NECAB1: variants seen among roughly 807,000 people sequenced by gnomAD.
NECAB1 encodes the protein N-terminal EF-hand calcium binding protein 1.
In NECAB1, 29 loss-of-function variants were observed where a neutral mutation model predicts 57.5. That is an observed-to-expected ratio of 0.50 (90% CI 0.38 to 0.69). The LOEUF (loss-of-function observed/expected upper bound fraction) is 0.69, where lower values mean the gene tolerates loss of function less well. Among genes scored for constraint, NECAB1 ranks in the 30% least tolerant of loss-of-function variants. The pLI is 0.00. For synonymous variants in NECAB1, 142 were observed against 147.7 expected (o/e 0.96, Z 0.28); for missense variants, 372 against 413.8 (o/e 0.90, Z 0.88).
intron 1 of NECAB1, among the ~76,000 whole-genome samples, chr8:90,794,579 A>C (rs2130636644): frequency 6.6e-6 from 1 of 152,342 alleles, no homozygotes; most frequent in East Asian, 1.9e-4. Context: ...ATACATGACC[A>C]GCTGGTTGGA....
intron 5 of NECAB1, among the ~76,000 whole-genome samples, chr8:90,904,604 A>G (rs921869556): frequency 4.6e-5 from 7 of 152,026 alleles, no homozygotes; most frequent in African/African-American, 1.7e-4. Flanking sequence ...GAAAATAGAA[A>G]AGAAGTTAAG....
intron 2 of NECAB1, among the ~76,000 whole-genome samples, chr8:90,814,685 G>A (rs1462450781): frequency 6.6e-6 from 1 of 151,874 alleles, no homozygotes; most frequent in East Asian, 1.9e-4. Flanking sequence ...GTGTTCCTTT[G>A]ACATACCCTC....
At chr8:90,856,498 CA>C (rs1812796944) in intron 3 of NECAB1, among the ~76,000 whole-genome samples, 2 of 151,942 alleles carry the variant, frequency 1.3e-5, no homozygotes, top group African/African-American at 2.4e-5. Context: ...CTTCTTTAAA[CA>C]ATAACAAAAA....
intron 5 of NECAB1, among the ~76,000 whole-genome samples, chr8:90,902,428 C>T (rs778847911): frequency 5.3e-5 from 8 of 152,150 alleles, no homozygotes; most frequent in South Asian, 2.1e-4. Context: ...AAAAAACAAA[C>T]GAACAAACAA....
In NECAB1 at chr8:90,955,503, G is replaced by C; in HGVS notation, c.1047G>C (p.Leu349=). 6.4e-7 allele frequency: 1 copy of C among 1,555,244 alleles called. No individual in the cohort carries two copies. Among genetic ancestry groups the C allele is most frequent in the South Asian group, 1.2e-5 (1 of 83,622 alleles). Residue 349 remains leucine (L), a synonymous_variant, in exon 13 of 13, where the codon CTG becomes CTC. Coordinates refer to ENST00000417640, the MANE Select transcript of NECAB1 (RefSeq NM_022351.5). ...TMLVPASWWI[L]NN ...TCTTTTCAGCTTCGTGGTGGATCCT[G>C]AACAACTAGATGTTCCTAGACATTT... is the stretch of plus-strand genomic sequence containing the variant.
chr8:90,940,060 GC>G (rs2130235012), intron 9 of NECAB1: 1 of 152,308 alleles, frequency 6.6e-6, no homozygotes, highest in African/African-American at 2.4e-5. Flanking sequence ...TCCATGAGAA[GC>G]CCACAGGCGG....
At chr8:90,819,601 AT>A (rs1345953086) in intron 2 of NECAB1, among the ~76,000 whole-genome samples, 1 of 151,902 alleles carries the variant, frequency 6.6e-6, no homozygotes, top group Non-Finnish European at 1.5e-5. Context: ...TTCAGCTGTC[AT>A]TCACCAATAT....
chr8:90,897,177 C>T (rs1344702126), intron 5 of NECAB1, among the ~76,000 whole-genome samples: 1 of 152,174 alleles, frequency 6.6e-6, no homozygotes, highest in Non-Finnish European at 1.5e-5. Flanking sequence ...CTCTTCGGTT[C>T]CCACAATCCT....
chr8:90,852,426 A>C (rs1812701388), intron 3 of NECAB1, among the ~76,000 whole-genome samples: 2 of 152,320 alleles, frequency 1.3e-5, no homozygotes, highest in South Asian at 4.1e-4. Flanking sequence ...TACCAGTGAT[A>C]GGGACAGGAG....
chr8:90,940,811 T>A lies in NECAB1; in HGVS notation c.773T>A (p.Met258Lys), dbSNP rs1200720251. The A allele has an allele frequency of 6.4e-7, 1 of 1,562,754 alleles. No individual in the cohort carries two copies. Among genetic ancestry groups the A allele is most frequent in the Non-Finnish European group, 8.7e-7 (1 of 1,153,108 alleles). Residue 258 changes from methionine (M) to lysine (K), a missense_variant, in exon 10 of 13, where the codon ATG becomes AAG. Met to Lys is a moderately conservative substitution (Grantham distance 95, BLOSUM62 -1). Transcript: ENST00000417640. ...CACATCATGCTTGTGCAGCGGCAGA[T>A]GTCTGTGATAGAAGAGGACCTGGAA... ...KSHIMLVQRQ[M>K]SVIEEDLEEF...
chr8:90,815,787 T>C (rs1451217745), intron 2 of NECAB1, among the ~76,000 whole-genome samples: 1 of 152,034 alleles, frequency 6.6e-6, no homozygotes, highest in Non-Finnish European at 1.5e-5. Flanking sequence ...ATTTTATCCA[T>C]GCGTCTACTT....
At chr8:90,815,511 C>T (rs1176543602) in intron 2 of NECAB1, among the ~76,000 whole-genome samples, 1 of 151,812 alleles carries the variant, frequency 6.6e-6, no homozygotes, top group African/African-American at 2.4e-5. Flanking sequence ...AATAGTTTAC[C>T]TACCTTCAAA....
intron 10 of NECAB1, among the ~76,000 whole-genome samples, chr8:90,945,126 T>C (rs1359792715): frequency 1.3e-5 from 2 of 151,968 alleles, no homozygotes; most frequent in Non-Finnish European, 2.9e-5. Context: ...TGCCCAGGCT[T>C]GCGTGATCTT....
chr8:90,954,194 A>T (rs1030473010), intron 12 of NECAB1, among the ~76,000 whole-genome samples: 3 of 152,070 alleles, frequency 2.0e-5, no homozygotes, highest in African/African-American at 4.8e-5. Flanking sequence ...AGTATGAATA[A>T]GTTTGTATTT....
intron 2 of NECAB1, among the ~76,000 whole-genome samples, chr8:90,815,571 C>G (rs1297710551): frequency 2.6e-5 from 4 of 151,994 alleles, no homozygotes; most frequent in Admixed American, 2.6e-4. Context: ...TCCCCAAACT[C>G]CTGACAACCA....
intron 3 of NECAB1, among the ~76,000 whole-genome samples, chr8:90,861,983 G>A (rs1329098661): frequency 6.6e-6 from 1 of 152,138 alleles, no homozygotes; most frequent in East Asian, 1.9e-4. Context: ...GGGCTTAGGA[G>A]GAATAGTTAG....
intron 3 of NECAB1, among the ~76,000 whole-genome samples, chr8:90,863,103 AAAG>A (rs1367214858): frequency 6.6e-6 from 1 of 152,072 alleles, no homozygotes; most frequent in Non-Finnish European, 1.5e-5. Flanking sequence ...TACTGATTTG[AAAG>A]AAGAAGAATA....
At chr8:90,801,765 A>G in intron 2 of NECAB1, 50 bp downstream of exon 2, 1 of 1,187,894 alleles carries the variant, frequency 8.4e-7, no homozygotes, top group Non-Finnish European at 1.2e-6. Context: ...TACATTTTAT[A>G]TTACCTTATA....
intron 4 of NECAB1, 137 bp downstream of exon 4, chr8:90,872,290 G>T: frequency 2.9e-6 from 2 of 678,314 alleles, no homozygotes; most frequent in Non-Finnish European, 4.7e-6. Context: ...AGATCTCAAG[G>T]GATTTATCTT....
Sources: gnomAD v4.1 joint callset for allele counts (sites outside exome capture counted in the v4.1 genomes callset) on GRCh38, gnomAD v4.1.1 for gene constraint, MANE v1.5 for transcripts, NCBI Gene and HGNC (gene_info 2026-07-23, HGNC 2026-07-21) for gene names.